SMURF1: variants seen among roughly 807,000 people sequenced by gnomAD.
The protein encoded by SMURF1 is SMAD specific E3 ubiquitin protein ligase 1.
In SMURF1, 44 loss-of-function variants were observed where a neutral mutation model predicts 98.0. That is an observed-to-expected ratio of 0.45 (90% CI 0.35 to 0.58). The LOEUF (loss-of-function observed/expected upper bound fraction) is 0.58, where lower values mean the gene tolerates loss of function less well. Ranked by LOEUF, SMURF1 falls within the 20% of genes least tolerant of loss-of-function variation. The pLI is 0.00. For missense variants in SMURF1, 687 were observed against 938.4 expected (o/e 0.73, Z 3.50); for synonymous variants, 396 against 374.9 (o/e 1.06, Z -0.65).
chr7:99,054,758 C>T, intron 6 of SMURF1, 32 bp downstream of exon 6: 1 of 1,604,988 alleles, frequency 6.2e-7, no homozygotes, highest in Non-Finnish European at 8.5e-7. Flanking sequence ...CAGCAGAGAA[C>T]TCAGCCCGCC....
At chr7:99,057,078 C>T in intron 5 of SMURF1, 127 bp downstream of exon 5, 1 of 836,464 alleles carries the variant, frequency 1.2e-6, no homozygotes, top group Admixed American at 2.0e-5. Flanking sequence ...GAAGAGAAGG[C>T]CCCGTACGTG....
At chr7:99,037,313 C>G in intron 14 of SMURF1, 126 bp from the exon 15 acceptor site, 1 of 1,185,128 alleles carries the variant, frequency 8.4e-7, no homozygotes, top group Non-Finnish European at 1.2e-6. Context: ...TCTCGGCTCA[C>G]TGCAACCTCA....
chr7:99,063,153 G>A (rs1333165375), intron 1 of SMURF1, among the ~76,000 whole-genome samples: 2 of 145,950 alleles, frequency 1.4e-5, no homozygotes, highest in East Asian at 4.0e-4. Context: ...ATAAAACTAA[G>A]TGAATAATGT....
rs767755106 is a variant in SMURF1, at chr7:99,060,662, T to C, written c.140A>G (p.Gln47Arg). The change falls in exon 3 of 18, where the codon CAG (glutamine) becomes CGG (arginine). Residue 47 changes from glutamine to arginine, a missense_variant. Transcript: ENST00000361368. ...FAKIVVDGSGQCHSTDTVKNT... is the reference protein window; with the variant it reads ...FAKIVVDGSGRCHSTDTVKNT... ...TTTCACAGTGTCGGTTGAGTGGCACTGCCCAGACCCATCCACGACAATCTT... is the reference window on the plus strand; with the variant it reads ...TTTCACAGTGTCGGTTGAGTGGCACCGCCCAGACCCATCCACGACAATCTT... 10 of 1,613,926 alleles carry C rather than the reference T, an allele frequency of 6.2e-6. No individual in the cohort carries two copies. Among genetic ancestry groups the C allele is most frequent in the African/African-American group, 1.3e-5 (1 of 74,910 alleles).
At chr7:99,064,745 A>C (rs7781554) in intron 1 of SMURF1, among the ~76,000 whole-genome samples, 81,752 of 152,048 alleles carry the variant, frequency 0.54, 24,091 homozygotes, top group Non-Finnish European at 0.65. Flanking sequence ...ATCTTTATAT[A>C]CTTCCTTTCC....
rs150240349 is a variant in SMURF1 at position 99,075,410 on chromosome 7, C to A, written c.56-13573G>T. ...GTGCTGGGATTACAGGATTACAGGC[C>A]TCTAGCAAATTACTGAACCTGCAAA... On this transcript the variant is annotated intron_variant, in intron 1 of 17. Transcript: ENST00000361368. Among the ~76,000 whole-genome samples the A allele has an allele frequency of 4.4e-3, 664 of 152,278 alleles. 3 individuals carry two copies. Among genetic ancestry groups the A allele is most frequent in the African/African-American group, 0.015 (626 of 41,544 alleles).
intron 11 of SMURF1, among the ~76,000 whole-genome samples, chr7:99,042,642 A>G (rs1275050832): frequency 6.6e-6 from 1 of 152,234 alleles, no homozygotes; most frequent in Non-Finnish European, 1.5e-5. Flanking sequence ...CCCAAAGTTA[A>G]AAACAGTCAA....
Position 99,035,610 on chromosome 7 carries a change from G to C in SMURF1, c.1916C>G (p.Ala639Gly). ...CCTTTCTTCATCGAACGTCTCCACC[G>C]CTTGCCAGAACCACCGCACGATGTT... is the stretch of plus-strand genomic sequence containing the variant. The part of the protein sequence containing the change: ...DSNIVRWFWQ[A>G]VETFDEERRA... Residue 639 changes from alanine (A) to glycine (G), a missense_variant, in exon 16 of 18, where the codon GCG (alanine) becomes GGG (glycine). Around this residue, in one of 2 missense-constraint regions of SMURF1, gnomAD observed 272 missense variants for 430.0 expected, o/e 0.63. Transcript: ENST00000361368. 6.2e-7 allele frequency: 1 copy of C among 1,614,166 alleles called. No individual in the cohort carries two copies. Among genetic ancestry groups the C allele is most frequent in the Non-Finnish European group, 8.5e-7 (1 of 1,180,048 alleles).
chr7:99,043,851 C>T (rs574813945), intron 11 of SMURF1, among the ~76,000 whole-genome samples: 75 of 152,152 alleles, frequency 4.9e-4, no homozygotes, highest in African/African-American at 1.8e-3. Flanking sequence ...AGGGAGGACG[C>T]CAAGAAAGGG....
chr7:99,115,882 TA>T (rs928821595), intron 1 of SMURF1, among the ~76,000 whole-genome samples: 35 of 151,256 alleles, frequency 2.3e-4, no homozygotes, highest in African/African-American at 8.3e-4. Flanking sequence ...TTTTTTTTTT[TA>T]AATTAACAAA....
At chr7:99,083,599 G>A (rs7799478) in intron 1 of SMURF1, among the ~76,000 whole-genome samples, 85,911 of 152,016 alleles carry the variant, frequency 0.57, 24,792 homozygotes, top group Non-Finnish European at 0.63. Flanking sequence ...AATTACTGAA[G>A]TAGTCTCTAA....
At chr7:99,031,172 G>A (rs1252355194) in intron 17 of SMURF1, among the ~76,000 whole-genome samples, 3 of 152,160 alleles carry the variant, frequency 2.0e-5, no homozygotes, top group Admixed American at 6.5e-5. Context: ...GTCAGGCAAC[G>A]TCACCACTAA....
chr7:99,085,000 T>A (rs1430569390), intron 1 of SMURF1, among the ~76,000 whole-genome samples: 1 of 152,126 alleles, frequency 6.6e-6, no homozygotes, highest in Non-Finnish European at 1.5e-5. Flanking sequence ...TCTCTCTTCC[T>A]CCTGCTCTGG....
At position 99,045,802 on chromosome 7, in the gene SMURF1, CT is replaced by C; in HGVS notation, c.1153-2del. 1 of 1,606,730 alleles carries C rather than the reference CT, an allele frequency of 6.2e-7. No homozygotes were observed. Among genetic ancestry groups the C allele is most frequent in the Non-Finnish European group, 8.5e-7 (1 of 1,173,246 alleles). ...TCTTCATTATCTGGCGGTAAGACTC[CT>C]GAAGAGCAACATCACAGTTTCAGAG... is the stretch of plus-strand genomic sequence containing the variant. On this transcript the variant is annotated splice_acceptor_variant, in intron 10 of 17. Transcript: ENST00000361368. LOFTEE classifies it high-confidence loss of function.
chr7:99,051,041 CTT>C (rs1166344233), intron 8 of SMURF1: 24 of 1,463,494 alleles, frequency 1.6e-5, no homozygotes, highest in Non-Finnish European at 2.0e-5. Context: ...GTAACAGAGT[CTT>C]TATATTTCCT....
chr7:99,134,928 G>A (rs1056283150), intron 1 of SMURF1, among the ~76,000 whole-genome samples: 3 of 151,922 alleles, frequency 2.0e-5, no homozygotes, highest in Admixed American at 6.6e-5. Flanking sequence ...AAGCTTTTTG[G>A]GGGGTCAGGC....
chr7:99,062,900 T>C (rs1438565373), intron 1 of SMURF1, among the ~76,000 whole-genome samples: 2 of 151,716 alleles, frequency 1.3e-5, no homozygotes, highest in East Asian at 3.9e-4. Context: ...GCAATTAAGG[T>C]TCTTATTATT....
In SMURF1 at chr7:99,088,769, T is replaced by C. The variant is rs191031230; in HGVS notation, c.56-26932A>G. ...GTTTTGGATATATAGTAAGGATGTA[T>C]TGTCAGAAATCAGTGCCTGTAAATC... On this transcript the variant is annotated intron_variant, in intron 1 of 17. Coordinates refer to ENST00000361368, the MANE Select transcript of SMURF1 (RefSeq NM_181349.3). Among the ~76,000 whole-genome samples, 975 of 152,244 alleles carry C rather than the reference T, an allele frequency of 6.4e-3. 10 individuals carry two copies. The highest frequency in any genetic ancestry group is 0.022 in the African/African-American group (932 of 41,548).
chr7:99,043,820 T>C (rs1240500963), intron 11 of SMURF1, among the ~76,000 whole-genome samples: 1 of 152,056 alleles, frequency 6.6e-6, no homozygotes, highest in African/African-American at 2.4e-5. Flanking sequence ...CACACAACCA[T>C]GCGGTGGTCA....
Sources: gnomAD v4.1 joint callset for allele counts (sites outside exome capture counted in the v4.1 genomes callset) on GRCh38, gnomAD v4.1.1 for gene constraint, gnomAD v4.1.1 regional missense constraint, MANE v1.5 for transcripts, NCBI Gene and HGNC (gene_info 2026-07-23, HGNC 2026-07-21) for gene names.